RBMS1: variants seen among roughly 807,000 people sequenced by gnomAD.
The protein encoded by RBMS1 is RNA-binding motif, single-stranded-interacting protein 1.
Under a neutral mutation model 62.3 loss-of-function variants are expected in RBMS1, and 17 were observed. The observed-to-expected ratio is 0.27, with a 90% CI of 0.19 to 0.41. The LOEUF (loss-of-function observed/expected upper bound fraction) is 0.41, where lower values mean the gene tolerates loss of function less well. RBMS1 is among the 10% of genes least tolerant of loss of function. The pLI, the probability that RBMS1 is intolerant of heterozygous loss-of-function variation, is 1.00. For missense variants in RBMS1, 334 were observed against 504.5 expected, an observed-to-expected ratio of 0.66 and a Z score of 3.24; for synonymous variants, 172 against 170.0, an observed-to-expected ratio of 1.01 and a Z score of -0.09.
intron 1 of RBMS1, among the ~76,000 whole-genome samples, chr2:160,418,507 T>G (rs1467629244): frequency 6.6e-6 from 1 of 152,226 alleles, no homozygotes; most frequent in African/African-American, 2.4e-5. Flanking sequence ...ATAACAACAG[T>G]TAAGATGACC....
intron 1 of RBMS1, chr2:160,407,561 C>A: frequency 1.0e-6 from 1 of 983,402 alleles, no homozygotes; most frequent in East Asian, 1.1e-4. Context: ...CGGGTGCGGG[C>A]GCGGGCGCGG....
chr2:160,463,842 C>T (rs1270582647), intron 1 of RBMS1, among the ~76,000 whole-genome samples: 3 of 152,152 alleles, frequency 2.0e-5, no homozygotes, highest in Admixed American at 2.0e-4. Context: ...AACTTTATGT[C>T]TCCTATTTCA....
chr2:160,467,867 T>C (rs2105340216), intron 1 of RBMS1, among the ~76,000 whole-genome samples: 1 of 152,104 alleles, frequency 6.6e-6, no homozygotes, highest in East Asian at 1.9e-4. Flanking sequence ...AGTAGACATG[T>C]ATATCTCAAG....
intron 2 of RBMS1, among the ~76,000 whole-genome samples, chr2:160,337,130 CTTTTCTTTTTT>C (rs1212971486): frequency 1.4e-5 from 2 of 141,940 alleles, no homozygotes; most frequent in Admixed American, 1.4e-4. Flanking sequence ...TTTTCTTTTT[CTTTTCTTTTTT>C]TTTTTTTTTT....
At chr2:160,374,891 T>C (rs186353171) in intron 1 of RBMS1, among the ~76,000 whole-genome samples, 2 of 151,566 alleles carry the variant, frequency 1.3e-5, no homozygotes, top group East Asian at 1.9e-4. Context: ...GATTGCACCA[T>C]TGCACTCCAG....
At position 160,418,124 on chromosome 2, in the gene RBMS1, A is replaced by G. The variant is rs546668366; in HGVS notation, c.76-50733T>C. 5.9e-5 allele frequency among the ~76,000 whole-genome samples: 9 copies of G among 152,338 alleles called. No individual in the cohort carries two copies. The South Asian group carries it at 1.9e-3, about 32-fold the overall frequency. ...ACCTAAATCTATAGATATTTATCAG[A>G]CTTTGCCACTGTACACTTCTTGCTG... On this transcript the variant is annotated intron_variant, in intron 1 of 13. Coordinates refer to ENST00000348849, the MANE Select transcript of RBMS1 (RefSeq NM_016836.4).
intron 1 of RBMS1, among the ~76,000 whole-genome samples, chr2:160,380,088 A>C (rs1573965450): frequency 1.3e-5 from 2 of 152,256 alleles, no homozygotes; most frequent in Admixed American, 1.3e-4. Flanking sequence ...TAAACTAATT[A>C]GTGACGAGTA....
At chr2:160,304,888 G>C (rs1464163953) in intron 4 of RBMS1, among the ~76,000 whole-genome samples, 1 of 152,134 alleles carries the variant, frequency 6.6e-6, no homozygotes, top group African/African-American at 2.4e-5. Context: ...ATGGAGTCTT[G>C]CTCTGTGCCA....
At chr2:160,462,314 G>A (rs1684500150) in intron 1 of RBMS1, among the ~76,000 whole-genome samples, 1 of 152,192 alleles carries the variant, frequency 6.6e-6, no homozygotes, top group South Asian at 2.1e-4. Flanking sequence ...CCTCTGCTCT[G>A]TCTTATGCCT....
intron 1 of RBMS1, among the ~76,000 whole-genome samples, chr2:160,457,953 T>TTG (rs139604678): frequency 2.7e-5 from 4 of 150,446 alleles, no homozygotes; most frequent in Non-Finnish European, 5.9e-5. Flanking sequence ...TATTGGTTTG[T>TTG]TTGTTGTTGT....
chr2:160,431,175 A>G (rs1270243991), intron 1 of RBMS1, among the ~76,000 whole-genome samples: 1 of 140,906 alleles, frequency 7.1e-6, no homozygotes, highest in Non-Finnish European at 1.6e-5. Context: ...TGCCTAGGTA[A>G]CCCAGGCCAT....
At chr2:160,292,090 G>A (rs1688708660) in intron 6 of RBMS1, among the ~76,000 whole-genome samples, 1 of 152,192 alleles carries the variant, frequency 6.6e-6, no homozygotes, top group South Asian at 2.1e-4. Context: ...GAACATCTGT[G>A]TGTGGATCTT....
intron 2 of RBMS1, among the ~76,000 whole-genome samples, chr2:160,342,697 C>T (rs895378277): frequency 3.0e-4 from 45 of 149,902 alleles, no homozygotes; most frequent in African/African-American, 7.9e-4. Context: ...GGGCGGATCA[C>T]GTGAGGTCAG....
intron 3 of RBMS1, among the ~76,000 whole-genome samples, chr2:160,316,758 T>C (rs576322916): frequency 7.2e-5 from 11 of 152,166 alleles, no homozygotes; most frequent in Non-Finnish European, 1.6e-4. Flanking sequence ...AAGATTTCTT[T>C]TGGGGTGGGG....
At chr2:160,422,833 T>C (rs930088764) in intron 1 of RBMS1, among the ~76,000 whole-genome samples, 1 of 152,206 alleles carries the variant, frequency 6.6e-6, no homozygotes, top group African/African-American at 2.4e-5. Flanking sequence ...AAAAACTCAA[T>C]TTTAGTTATA....
At chr2:160,466,647 C>T (rs1206377277) in intron 1 of RBMS1, among the ~76,000 whole-genome samples, 1 of 152,154 alleles carries the variant, frequency 6.6e-6, no homozygotes, top group East Asian at 1.9e-4. Flanking sequence ...CCTATGATGC[C>T]ATCGTTTGCT....
intron 2 of RBMS1, among the ~76,000 whole-genome samples, chr2:160,344,665 T>C (rs1425100402): frequency 6.6e-6 from 1 of 152,168 alleles, no homozygotes; most frequent in African/African-American, 2.4e-5. Context: ...TTTGCAACTA[T>C]TTACTGAGTG....
chr2:160,371,368 G>A (rs905474513), intron 1 of RBMS1, among the ~76,000 whole-genome samples: 1 of 152,154 alleles, frequency 6.6e-6, no homozygotes, highest in Non-Finnish European at 1.5e-5. Context: ...GATGAAGCTT[G>A]CAACTATTTA....
At chr2:160,358,613 T>A (rs1352228437) in intron 2 of RBMS1, among the ~76,000 whole-genome samples, 1 of 152,086 alleles carries the variant, frequency 6.6e-6, no homozygotes, top group South Asian at 2.1e-4. Flanking sequence ...AGAAATCCTA[T>A]GATTTATAAA....
Sources: allele counts gnomAD v4.1 joint callset (sites outside exome capture counted in the v4.1 genomes callset), GRCh38; gene constraint gnomAD v4.1.1; transcripts MANE v1.5; gene names NCBI Gene and HGNC (gene_info 2026-07-23, HGNC 2026-07-21).